WDFY4: variants seen among roughly 807,000 people sequenced by gnomAD.
The protein encoded by WDFY4 is WD repeat- and FYVE domain-containing protein 4.
A neutral mutation model predicts 351.9 loss-of-function variants in WDFY4; 169 were observed. The ratio of observed to expected loss-of-function variants is 0.48; its 90% CI spans 0.42 to 0.55. WDFY4 has a LOEUF of 0.55. Among genes scored for constraint, WDFY4 ranks in the 20% least tolerant of loss-of-function variants. The probability of loss-of-function intolerance (pLI) is 0.00; values close to 1 mark genes in which losing one functional copy is unlikely to be tolerated. For synonymous variants in WDFY4, 1,622 were observed against 1,574.6 expected (o/e 1.03, Z -0.71); for missense variants, 3,803 against 3,935.6 (o/e 0.97, Z 0.90).
intron 49 of WDFY4, among the ~76,000 whole-genome samples, chr10:48,944,903 G>C (rs1398939911): frequency 6.6e-6 from 1 of 152,172 alleles, no homozygotes; most frequent in Non-Finnish European, 1.5e-5. Context: ...GAATTTTTCT[G>C]AGCTGGCAAG....
chr10:48,765,318 C>T lies in WDFY4; in HGVS notation c.2553+4878C>T, dbSNP rs181956893. ...AAAACAGCAGATTGTGGTCAAGTCT[C>T]AGCTGGGTCACCAAGCAGTCACAGA... On this transcript the variant is annotated intron_variant, in intron 13 of 61. Transcript: ENST00000325239. Among the ~76,000 whole-genome samples, 4 of 152,330 alleles carry T rather than the reference C, an allele frequency of 2.6e-5. No homozygotes were observed. The East Asian group carries it at 5.8e-4, about 22-fold the overall frequency.
At chr10:48,961,589 T>A (rs1328595709) in intron 53 of WDFY4, among the ~76,000 whole-genome samples, 1 of 152,138 alleles carries the variant, frequency 6.6e-6, no homozygotes, top group African/African-American at 2.4e-5. Flanking sequence ...GCCATGGGAA[T>A]GGTGACTTTA....
chr10:48,869,182 G>A (rs761626268), intron 40 of WDFY4, among the ~76,000 whole-genome samples: 20 of 152,206 alleles, frequency 1.3e-4, no homozygotes, highest in Non-Finnish European at 2.9e-4. Context: ...TTAAGGAGTA[G>A]TATGCTTTCC....
chr10:48,914,123 C>T (rs1838277483), intron 47 of WDFY4: 1 of 1,614,144 alleles, frequency 6.2e-7, no homozygotes, highest in Non-Finnish European at 8.5e-7. Context: ...GGGTGATCTT[C>T]TTGCCCTTGG....
intron 39 of WDFY4, among the ~76,000 whole-genome samples, chr10:48,864,832 G>C (rs1334635819): frequency 1.3e-5 from 2 of 152,120 alleles, no homozygotes; most frequent in African/African-American, 4.8e-5. Flanking sequence ...AATGTTATAA[G>C]AGGAATCGCT....
chr10:48,908,415 G>T (rs1837737900), intron 47 of WDFY4, among the ~76,000 whole-genome samples: 2 of 152,310 alleles, frequency 1.3e-5, no homozygotes, highest in South Asian at 4.1e-4. Context: ...ACTTTTTCAG[G>T]AATCTGCAAG....
chr10:48,771,456 C>T (rs950957147), intron 13 of WDFY4, among the ~76,000 whole-genome samples: 1 of 152,198 alleles, frequency 6.6e-6, no homozygotes, highest in Non-Finnish European at 1.5e-5. Context: ...TTGTGCCTCC[C>T]TCACAGGCTT....
At chr10:48,858,415 A>AT (rs35774843) in intron 39 of WDFY4, among the ~76,000 whole-genome samples, 1 of 152,172 alleles carries the variant, frequency 6.6e-6, no homozygotes, top group Non-Finnish European at 1.5e-5. Flanking sequence ...ACTTAGGTTC[A>AT]TTTTTTGGGC....
In WDFY4 at chr10:48,738,296, G is replaced by A. The variant is rs540513352; in HGVS notation, c.1878+2226G>A. Among the ~76,000 whole-genome samples, 17 of 152,364 alleles carry A rather than the reference G, an allele frequency of 1.1e-4. No individual in the cohort carries two copies. The South Asian group carries it at 3.5e-3, about 32-fold the overall frequency. ...TCTGTAGCCCAGAGGCATCGTATTGGAGTGTCAGCCCTTGGGCAATAGGAC... is the reference window on the plus strand; with the variant it reads ...TCTGTAGCCCAGAGGCATCGTATTGAAGTGTCAGCCCTTGGGCAATAGGAC... On this transcript the variant is annotated intron_variant, in intron 11 of 61. Coordinates refer to ENST00000325239, the MANE Select transcript of WDFY4 (RefSeq NM_001394531.1).
chr10:48,762,019 C>A (rs912318053), intron 13 of WDFY4, among the ~76,000 whole-genome samples: 1 of 152,206 alleles, frequency 6.6e-6, no homozygotes, highest in Admixed American at 6.5e-5. Context: ...CTTCCCTATA[C>A]ATAGAAGTGG....
chr10:48,732,728 C>A (rs1272071830), intron 9 of WDFY4, among the ~76,000 whole-genome samples: 1 of 152,244 alleles, frequency 6.6e-6, no homozygotes, highest in African/African-American at 2.4e-5. Flanking sequence ...GGACCCACTG[C>A]TGTGCCTGGT....
At chr10:48,802,102 C>CACA (rs2067106502) in intron 24 of WDFY4, among the ~76,000 whole-genome samples, 1 of 151,910 alleles carries the variant, frequency 6.6e-6, no homozygotes, top group Non-Finnish European at 1.5e-5. Flanking sequence ...AGGCCGGGTA[C>CACA]GGTGGCTCAC....
chr10:48,897,625 T>A, intron 45 of WDFY4, 51 bp downstream of exon 45: 1 of 1,529,488 alleles, frequency 6.5e-7, no homozygotes, highest in Non-Finnish European at 8.8e-7. Flanking sequence ...GGCAGGGCCA[T>A]GGGACAGGTG....
rs143452544 is a variant in WDFY4, at chr10:48,949,854, C to T, written c.7977+2885C>T. Reference sequence around the variant, plus strand: ...GCTGCGTGTCTGACTTTGCTCAGATCGCTTTCTTTCTTAGGGTTCAGTCTC... The same window carrying T: ...GCTGCGTGTCTGACTTTGCTCAGATTGCTTTCTTTCTTAGGGTTCAGTCTC... On this transcript the variant is annotated intron_variant, in intron 51 of 61. Coordinates refer to ENST00000325239, the MANE Select transcript of WDFY4 (RefSeq NM_001394531.1). 4.1e-3 allele frequency among the ~76,000 whole-genome samples: 619 copies of T among 152,196 alleles called. 3 individuals are homozygous for T. The highest frequency in any genetic ancestry group is 0.014 in the African/African-American group (566 of 41,514).
chr10:48,798,840 A>G (rs1439940307), intron 24 of WDFY4, among the ~76,000 whole-genome samples: 1 of 152,212 alleles, frequency 6.6e-6, no homozygotes, highest in Non-Finnish European at 1.5e-5. Flanking sequence ...CCTAAATATG[A>G]GATTAGCCAG....
intron 1 of WDFY4, among the ~76,000 whole-genome samples, chr10:48,685,272 G>A (rs2063010844): frequency 6.6e-6 from 1 of 152,186 alleles, no homozygotes; most frequent in African/African-American, 2.4e-5. Context: ...GAGTCAGGCT[G>A]GGCTCCAGCA....
At position 48,810,701 on chromosome 10, in the gene WDFY4, G is replaced by T. The variant is rs757891402; in HGVS notation, c.5010G>T (p.Val1670=). 6.5e-7 allele frequency: 1 copy of T among 1,548,590 alleles called. No individual in the cohort carries two copies. The highest frequency in any genetic ancestry group is 1.2e-5 in the South Asian group (1 of 83,664). ...FRDGLCAGSW[V]ERSTEGVDIV... ...ATGGCCTGTGTGCAGGATCCTGGGTGGAACGCAGCACTGAGGGCGTGGATA... is the reference window on the plus strand; with the variant it reads ...ATGGCCTGTGTGCAGGATCCTGGGTTGAACGCAGCACTGAGGGCGTGGATA... Residue 1670 remains valine, a synonymous_variant, in exon 29 of 62, where the codon GTG becomes GTT. Coordinates refer to ENST00000325239, the MANE Select transcript of WDFY4 (RefSeq NM_001394531.1).
intron 39 of WDFY4, among the ~76,000 whole-genome samples, chr10:48,855,223 A>G (rs1241077059): frequency 6.6e-6 from 1 of 152,162 alleles, no homozygotes; most frequent in African/African-American, 2.4e-5. Context: ...TGGATCATAA[A>G]TATACAGATT....
intron 1 of WDFY4, among the ~76,000 whole-genome samples, chr10:48,693,341 T>G (rs921256613): frequency 6.6e-6 from 1 of 151,942 alleles, no homozygotes; most frequent in African/African-American, 2.4e-5. Flanking sequence ...CAAGCAGAGG[T>G]GTTGGTGCCG....
Sources: allele counts gnomAD v4.1 joint callset (sites outside exome capture counted in the v4.1 genomes callset), GRCh38; gene constraint gnomAD v4.1.1; transcripts MANE v1.5; gene names NCBI Gene and HGNC (gene_info 2026-07-23, HGNC 2026-07-21).